The following AUTS2 variants were observed in gnomAD, a reference collection of about 807,000 sequenced individuals.
AUTS2 encodes activator of transcription and developmental regulator AUTS2.
AUTS2 carries 17 observed loss-of-function variants against 112.4 expected under a neutral mutation model. The observed-to-expected ratio is 0.15, with a 90% CI of 0.10 to 0.23. The LOEUF is 0.23. AUTS2 is among the 10% of genes least tolerant of loss of function. The pLI, the probability that AUTS2 is intolerant of heterozygous loss-of-function variation, is 1.00. For missense variants in AUTS2, 1,510 were observed against 1,701.6 expected, an observed-to-expected ratio of 0.89 and a Z score of 1.98; for synonymous variants, 751 against 702.7, an observed-to-expected ratio of 1.07 and a Z score of -1.09.
At chr7:70,324,777 G>A (rs539945923) in intron 4 of AUTS2, among the ~76,000 whole-genome samples, 7 of 152,350 alleles carry the variant, frequency 4.6e-5, no homozygotes, top group African/African-American at 1.2e-4. Flanking sequence ...AGATGTTATT[G>A]AGGAAAAGTT....
At chr7:70,762,144 T>C (rs1326887661) in intron 6 of AUTS2, among the ~76,000 whole-genome samples, 3 of 152,258 alleles carry the variant, frequency 2.0e-5, no homozygotes, top group Non-Finnish European at 2.9e-5. Flanking sequence ...AATGTTTGAC[T>C]CATTTCAATA....
chr7:70,583,543 GA>G (rs1802551029), intron 5 of AUTS2, among the ~76,000 whole-genome samples: 2 of 152,116 alleles, frequency 1.3e-5, no homozygotes, highest in African/African-American at 4.8e-5. Flanking sequence ...TCATGGGTGT[GA>G]GGTGGGGCCT....
At chr7:69,980,294 T>G (rs1798242943) in intron 2 of AUTS2, among the ~76,000 whole-genome samples, 1 of 152,188 alleles carries the variant, frequency 6.6e-6, no homozygotes, top group Non-Finnish European at 1.5e-5. Flanking sequence ...AGAATTTGTT[T>G]GTGTGCACTT....
At chr7:70,535,391 CTTTT>C (rs1260255693) in intron 5 of AUTS2, among the ~76,000 whole-genome samples, 2 of 151,748 alleles carry the variant, frequency 1.3e-5, no homozygotes, top group Non-Finnish European at 2.9e-5. Flanking sequence ...GTGTTGTTTT[CTTTT>C]TTATTTTTAT....
intron 1 of AUTS2, among the ~76,000 whole-genome samples, chr7:69,814,861 T>A (rs1361158103): frequency 2.6e-5 from 4 of 152,242 alleles, no homozygotes; most frequent in Non-Finnish European, 4.4e-5. Context: ...CTTGACAGTG[T>A]TGTGGCCAAC....
intron 6 of AUTS2, among the ~76,000 whole-genome samples, chr7:70,743,193 C>T (rs1206505327): frequency 6.6e-6 from 1 of 152,074 alleles, no homozygotes; most frequent in African/African-American, 2.4e-5. Flanking sequence ...CTGGGCCGGA[C>T]ACTGTGGCAC....
chr7:70,418,887 AT>A (rs1795099329), intron 4 of AUTS2, among the ~76,000 whole-genome samples: 1 of 151,966 alleles, frequency 6.6e-6, no homozygotes, highest in African/African-American at 2.4e-5. Context: ...ATGCTTAGCA[AT>A]TTTAAAGTAA....
intron 1 of AUTS2, among the ~76,000 whole-genome samples, chr7:69,685,667 A>C (rs557309978): frequency 6.6e-6 from 1 of 152,044 alleles, no homozygotes; most frequent in African/African-American, 2.4e-5. Flanking sequence ...GTACTGCTTT[A>C]GTCTGAGTTT....
chr7:70,453,625 T>C (rs746096988), intron 5 of AUTS2, among the ~76,000 whole-genome samples: 1 of 152,254 alleles, frequency 6.6e-6, no homozygotes, highest in African/African-American at 2.4e-5. Context: ...CCAGACGCTC[T>C]AAAGGAGAAT....
chr7:70,710,890 G>C (rs1031023525), intron 6 of AUTS2, among the ~76,000 whole-genome samples: 7 of 152,244 alleles, frequency 4.6e-5, no homozygotes, highest in African/African-American at 1.7e-4. Flanking sequence ...GTTTTGTGCA[G>C]TTGGCTGTAG....
rs1799080244 is a variant in AUTS2, at chr7:69,999,247, C to G, written c.522+99749C>G. 2.0e-5 allele frequency among the ~76,000 whole-genome samples: 3 copies of G among 152,226 alleles called. No homozygotes were observed. The South Asian group carries it at 6.2e-4, about 32-fold the overall frequency. Reference sequence around the variant, plus strand: ...ATTTTCTTATCAGGAGTGTCTCACACTGATTGCTAGGTGTAGAAAAATGTA... The same window carrying G: ...ATTTTCTTATCAGGAGTGTCTCACAGTGATTGCTAGGTGTAGAAAAATGTA... On this transcript the variant is annotated intron_variant, in intron 2 of 18. Transcript: ENST00000342771.
chr7:70,157,509 G>A (rs1363466059), intron 4 of AUTS2, among the ~76,000 whole-genome samples: 1 of 151,726 alleles, frequency 6.6e-6, no homozygotes, highest in South Asian at 2.1e-4. Context: ...AAGAGATGGG[G>A]GTCTCTCCCT....
chr7:70,355,755 T>C (rs1025706728), intron 4 of AUTS2, among the ~76,000 whole-genome samples: 6 of 152,166 alleles, frequency 3.9e-5, no homozygotes, highest in Non-Finnish European at 8.8e-5. Context: ...GCAGCTGATA[T>C]ATGACACTAA....
At chr7:70,713,921 C>T (rs113056530) in intron 6 of AUTS2, among the ~76,000 whole-genome samples, 31 of 151,480 alleles carry the variant, frequency 2.0e-4, no homozygotes, top group African/African-American at 7.0e-4. Context: ...ATACAGCTTG[C>T]GGGGCCCCAC....
intron 1 of AUTS2, among the ~76,000 whole-genome samples, chr7:69,645,321 G>T (rs2129125342): frequency 6.6e-6 from 1 of 152,142 alleles, no homozygotes; most frequent in East Asian, 1.9e-4. Context: ...TTTTGACCTG[G>T]TGCTTAATTG....
intron 5 of AUTS2, among the ~76,000 whole-genome samples, chr7:70,465,302 T>A (rs1260778450): frequency 1.3e-5 from 2 of 152,168 alleles, no homozygotes; most frequent in African/African-American, 4.8e-5. Context: ...TGGTGTCTCT[T>A]CAGGCTGCTC....
intron 4 of AUTS2, among the ~76,000 whole-genome samples, chr7:70,279,744 G>T (rs1464978648): frequency 1.3e-5 from 2 of 152,206 alleles, no homozygotes; most frequent in African/African-American, 4.8e-5. Context: ...ATTTATACAA[G>T]TCATGATCTT....
intron 1 of AUTS2, among the ~76,000 whole-genome samples, chr7:69,826,426 T>C (rs576088724): frequency 6.6e-6 from 1 of 152,320 alleles, no homozygotes; most frequent in East Asian, 1.9e-4. Flanking sequence ...GAGCTTTGGA[T>C]AGTACTTTTG....
At chr7:70,471,960 G>C (rs192580561) in intron 5 of AUTS2, among the ~76,000 whole-genome samples, 4 of 152,180 alleles carry the variant, frequency 2.6e-5, no homozygotes, top group Non-Finnish European at 5.9e-5. Flanking sequence ...CCAGAGCACT[G>C]GGAGATGAGG....
Sources: allele counts gnomAD v4.1 joint callset (sites outside exome capture counted in the v4.1 genomes callset), GRCh38; gene constraint gnomAD v4.1.1; transcripts MANE v1.5; gene names NCBI Gene and HGNC (gene_info 2026-07-23, HGNC 2026-07-21).